The following ZCCHC14 variants were observed in gnomAD, a reference collection of about 807,000 sequenced individuals.
The protein encoded by ZCCHC14 is zinc finger CCHC domain-containing protein 14.
A neutral mutation model predicts 85.0 loss-of-function variants in ZCCHC14; 16 were observed. The ratio of observed to expected loss-of-function variants is 0.19; its 90% CI spans 0.13 to 0.29. The LOEUF (loss-of-function observed/expected upper bound fraction) is 0.29. Ranked by LOEUF, ZCCHC14 falls within the 10% of genes least tolerant of loss-of-function variation. The pLI is 1.00. For synonymous variants in ZCCHC14, 775 were observed against 630.7 expected (o/e 1.23, Z -3.43); for missense variants, 1,303 against 1,443.5 (o/e 0.90, Z 1.58).
chr16:87,458,913 C>G (rs1911114096), intron 2 of ZCCHC14, among the ~76,000 whole-genome samples: 1 of 152,174 alleles, frequency 6.6e-6, no homozygotes, highest in Non-Finnish European at 1.5e-5. Context: ...GTCTCTGTCT[C>G]CCCACTACTG....
intron 1 of ZCCHC14, among the ~76,000 whole-genome samples, chr16:87,476,315 G>A (rs1239981194): frequency 6.6e-6 from 1 of 152,138 alleles, no homozygotes; most frequent in Non-Finnish European, 1.5e-5. Context: ...CCACTTAGGG[G>A]TTGGGGGAAA....
chr16:87,424,175 G>A (rs1226211322), intron 3 of ZCCHC14, among the ~76,000 whole-genome samples: 1 of 152,214 alleles, frequency 6.6e-6, no homozygotes, highest in Admixed American at 6.5e-5. Flanking sequence ...CCTGACAATT[G>A]CTTGTGTGTG....
chr16:87,418,778 C>T, intron 7 of ZCCHC14, 69 bp downstream of exon 7: 1 of 1,475,180 alleles, frequency 6.8e-7, no homozygotes, highest in Non-Finnish European at 9.4e-7. Context: ...AACAACTTTA[C>T]ACAGAACTCA....
intron 8 of ZCCHC14, among the ~76,000 whole-genome samples, chr16:87,416,321 G>C (rs965368260): frequency 6.6e-6 from 1 of 152,190 alleles, no homozygotes; most frequent in African/African-American, 2.4e-5. Flanking sequence ...GTGTAGGCTG[G>C]TGCTACGCAA....
At position 87,428,209 on chromosome 16, in the gene ZCCHC14, G is replaced by A. The variant is rs978221366; in HGVS notation, c.769-4328C>T. On this transcript the variant is annotated intron_variant, in intron 3 of 12. Coordinates refer to ENST00000671377, the MANE Select transcript of ZCCHC14 (RefSeq NM_015144.3). ...GTTACTTATATCTTCCTATAAAACA[G>A]TAACCTTTTGTATCCTGGAAAACAA... 2.6e-5 allele frequency among the ~76,000 whole-genome samples: 4 copies of A among 152,254 alleles called. No homozygotes were observed. The East Asian group carries it at 5.8e-4, about 22-fold the overall frequency.
At chr16:87,483,092 T>C (rs1417381557) in intron 1 of ZCCHC14, among the ~76,000 whole-genome samples, 1 of 150,750 alleles carries the variant, frequency 6.6e-6, no homozygotes, top group Non-Finnish European at 1.5e-5. Context: ...GAAGACAAGA[T>C]TAAAAACCCA....
At chr16:87,429,392 G>A (rs1909535849) in intron 3 of ZCCHC14, among the ~76,000 whole-genome samples, 1 of 152,078 alleles carries the variant, frequency 6.6e-6, no homozygotes, top group African/African-American at 2.4e-5. Context: ...GCCCAGGCTA[G>A]TCTTGAACTC....
intron 3 of ZCCHC14, among the ~76,000 whole-genome samples, chr16:87,424,312 G>C (rs1481918106): frequency 6.6e-6 from 1 of 152,200 alleles, no homozygotes; most frequent in Non-Finnish European, 1.5e-5. Flanking sequence ...CGCCCGCCCA[G>C]GTGCTGTGGG....
intron 3 of ZCCHC14, among the ~76,000 whole-genome samples, chr16:87,427,013 G>T (rs1469704010): frequency 1.3e-5 from 2 of 152,236 alleles, no homozygotes; most frequent in African/African-American, 2.4e-5. Flanking sequence ...ACGCGGGCTC[G>T]CGTGCACGCC....
At chr16:87,483,757 G>C (rs371869500) in intron 1 of ZCCHC14, among the ~76,000 whole-genome samples, 36 of 152,240 alleles carry the variant, frequency 2.4e-4, no homozygotes, top group African/African-American at 8.4e-4. Flanking sequence ...AGCAGATCTC[G>C]GCAACAGGTA....
At chr16:87,425,588 A>G (rs1567515824) in intron 3 of ZCCHC14, among the ~76,000 whole-genome samples, 1 of 151,092 alleles carries the variant, frequency 6.6e-6, no homozygotes, top group Non-Finnish European at 1.5e-5. Flanking sequence ...AAAAAAAAAG[A>G]AAGAAAGAAA....
Position 87,408,124 on chromosome 16 carries a change from T to C in ZCCHC14, c.*2156A>G, listed in dbSNP as rs1908282778. 6.5e-6 allele frequency: 1 copy of C among 152,798 alleles called. No individual in the cohort carries two copies. Among genetic ancestry groups the C allele is most frequent in the South Asian group, 2.1e-4 (1 of 4,832 alleles). The allele number at this position is 152,798 out of a possible 1,614,324, so 9.5% of individuals were successfully genotyped here. Reference sequence around the variant, plus strand: ...CCAAGTTGAAAAGTTTCTGTTTTAATGTTTTGCTGGATTTAAGGTTAACCT... The same window carrying C: ...CCAAGTTGAAAAGTTTCTGTTTTAACGTTTTGCTGGATTTAAGGTTAACCT... On this transcript the variant is annotated 3_prime_UTR_variant, in exon 13 of 13. Coordinates refer to ENST00000671377, the MANE Select transcript of ZCCHC14 (RefSeq NM_015144.3).
In ZCCHC14 at chr16:87,460,061, G is replaced by A. The variant is rs1191229843; in HGVS notation, c.641C>T (p.Ala214Val). 6.2e-7 allele frequency: 1 copy of A among 1,614,202 alleles called. No homozygotes were observed. The highest frequency in any genetic ancestry group is 8.5e-7 in the Non-Finnish European group (1 of 1,180,032). Residue 214 changes from alanine to valine, a missense_variant, in exon 2 of 13, where the codon GCA (alanine) becomes GTA (valine). By Grantham distance (64) the Ala-to-Val change is moderately conservative. Around this residue, in one of 7 missense-constraint regions of ZCCHC14, gnomAD observed 389 missense variants for 397.8 expected, o/e 0.98. Transcript: ENST00000671377. The stretch of plus-strand genomic sequence containing the variant: ...GGGCAGCGACTCCTCCGTGGAATGT[G>A]CTGATGTGTGCAGGGCATTCTCCAA... Reference protein sequence around the residue: ...NSLENALHTSAHSTEESLPKR... With the variant: ...NSLENALHTSVHSTEESLPKR...
At chr16:87,488,670 T>A (rs961306522) in intron 1 of ZCCHC14, among the ~76,000 whole-genome samples, 23 of 152,212 alleles carry the variant, frequency 1.5e-4, no homozygotes, top group Admixed American at 1.4e-3. Context: ...CTCTACCTCC[T>A]GGGATCAGGT....
At chr16:87,443,658 G>C (rs1910292255) in intron 2 of ZCCHC14, among the ~76,000 whole-genome samples, 2 of 152,122 alleles carry the variant, frequency 1.3e-5, no homozygotes, top group South Asian at 2.1e-4. Context: ...GATCCCTTGA[G>C]CCCAGGAGTT....
chr16:87,441,956 TTC>T (rs1020627308), intron 2 of ZCCHC14, among the ~76,000 whole-genome samples: 1 of 152,246 alleles, frequency 6.6e-6, no homozygotes, highest in Non-Finnish European at 1.5e-5. Context: ...CTGCCTTTTC[TTC>T]TCTCTGTCTT....
intron 3 of ZCCHC14, among the ~76,000 whole-genome samples, chr16:87,425,771 G>A (rs558505886): frequency 6.6e-6 from 1 of 152,240 alleles, no homozygotes; most frequent in Non-Finnish European, 1.5e-5. Flanking sequence ...CCCCCGCGCT[G>A]CTGACAGCGT....
chr16:87,451,891 T>A (rs952911428), intron 2 of ZCCHC14, among the ~76,000 whole-genome samples: 5 of 152,258 alleles, frequency 3.3e-5, no homozygotes, highest in African/African-American at 1.2e-4. Flanking sequence ...GTTTGAAATG[T>A]GATACTTTCT....
intron 1 of ZCCHC14, among the ~76,000 whole-genome samples, chr16:87,481,889 G>C (rs1216284299): frequency 6.6e-6 from 1 of 152,126 alleles, no homozygotes; most frequent in African/African-American, 2.4e-5. Flanking sequence ...AGGCTGCAAA[G>C]TCCAACAGCA....
Sources: allele counts gnomAD v4.1 joint callset (sites outside exome capture counted in the v4.1 genomes callset), GRCh38; gene constraint gnomAD v4.1.1; regional missense constraint gnomAD v4.1.1; transcripts MANE v1.5; gene names NCBI Gene and HGNC (gene_info 2026-07-23, HGNC 2026-07-21).